EPHA4: variants seen among roughly 807,000 people sequenced by gnomAD.
EPHA4 encodes the protein ephrin type-A receptor 4.
EPHA4 carries 19 observed loss-of-function variants against 108.3 expected under a neutral mutation model. The ratio of observed to expected loss-of-function variants is 0.18; its 90% CI spans 0.12 to 0.26. The LOEUF (loss-of-function observed/expected upper bound fraction) is 0.26. Ranked by LOEUF, EPHA4 falls within the 10% of genes least tolerant of loss-of-function variation. The pLI, the probability that EPHA4 is intolerant of heterozygous loss-of-function variation, is 1.00. For synonymous variants in EPHA4, 449 were observed against 455.5 expected (o/e 0.99, Z 0.18); for missense variants, 917 against 1,254.0 (o/e 0.73, Z 4.06).
At chr2:221,457,285 C>T (rs1690989151) in intron 6 of EPHA4, among the ~76,000 whole-genome samples, 1 of 152,022 alleles carries the variant, frequency 6.6e-6, no homozygotes, top group Non-Finnish European at 1.5e-5. Context: ...GCAAATAGCT[C>T]TCTTCAAAAT....
At chr2:221,516,352 ATTTTTT>A (rs10606305) in intron 3 of EPHA4, among the ~76,000 whole-genome samples, 1 of 123,338 alleles carries the variant, frequency 8.1e-6, no homozygotes, top group East Asian at 2.4e-4. Context: ...AGATTCAATG[ATTTTTT>A]TTTTTTTTTT....
At chr2:221,473,117 G>A (rs1234223019) in intron 5 of EPHA4, among the ~76,000 whole-genome samples, 5 of 152,124 alleles carry the variant, frequency 3.3e-5, no homozygotes, top group East Asian at 1.9e-4. Flanking sequence ...ACCATCTCTC[G>A]TTTTTATCAT....
intron 1 of EPHA4, 23 bp from the exon 2 acceptor site, chr2:221,568,808 A>T: frequency 6.2e-7 from 1 of 1,604,054 alleles, no homozygotes; most frequent in South Asian, 1.1e-5. Context: ...AAAGAAAAAT[A>T]GATGAATTTC....
intron 3 of EPHA4, among the ~76,000 whole-genome samples, chr2:221,517,425 G>C (rs1024897663): frequency 1.3e-5 from 2 of 152,122 alleles, no homozygotes; most frequent in Non-Finnish European, 2.9e-5. Flanking sequence ...AATATGATTT[G>C]ATACAAATTG....
At chr2:221,489,309 C>T (rs1050808778) in intron 4 of EPHA4, among the ~76,000 whole-genome samples, 6 of 152,174 alleles carry the variant, frequency 3.9e-5, no homozygotes, top group East Asian at 1.9e-4. Flanking sequence ...TGTGGATATA[C>T]GGTGTAACGT....
chr2:221,572,103 C>T (rs1574671771), intron 1 of EPHA4, 55 bp downstream of exon 1: 6 of 1,484,264 alleles, frequency 4.0e-6, no homozygotes, highest in Non-Finnish European at 5.6e-6. Context: ...GAGGACCCCT[C>T]ACCCGCGATG....
At chr2:221,438,081 C>T (rs575838753) in intron 11 of EPHA4, among the ~76,000 whole-genome samples, 1 of 152,190 alleles carries the variant, frequency 6.6e-6, no homozygotes, top group South Asian at 2.1e-4. Flanking sequence ...AAACAAAAAC[C>T]CCAGAACAGT....
intron 4 of EPHA4, among the ~76,000 whole-genome samples, chr2:221,484,919 G>A (rs1691936851): frequency 1.3e-5 from 2 of 152,296 alleles, no homozygotes; most frequent in Admixed American, 6.5e-5. Context: ...AAACATGGAG[G>A]TGGCAGTGAG....
Position 221,426,447 on chromosome 2 carries a change from C to T in EPHA4, c.2846+17G>A, listed in dbSNP as rs768239363. On this transcript the variant is annotated intron_variant, in intron 16 of 17. Transcript: ENST00000281821. ...AATCTAGATTTACCCTTTCGTGTTA[C>T]ATCGTTGAGTACTTACTCCTGGTTC... 1 of 1,580,408 alleles carries T rather than the reference C, an allele frequency of 6.3e-7. No individual in the cohort carries two copies. Among genetic ancestry groups the T allele is most frequent in the South Asian group, 1.2e-5 (1 of 85,424 alleles).
intron 4 of EPHA4, among the ~76,000 whole-genome samples, chr2:221,486,623 A>G (rs1691981041): frequency 6.6e-6 from 1 of 151,818 alleles, no homozygotes; most frequent in African/African-American, 2.4e-5. Flanking sequence ...AGTCCCAGCT[A>G]CTTGGGAGGC....
Position 221,536,868 on chromosome 2 carries a change from A to G in EPHA4, c.823+26863T>C, listed in dbSNP as rs1240704165. ...CTGGGCTTTAGTTTCCTCATCTATG[A>G]AAAGAGGATAATGACAGTCACTATT... On this transcript the variant is annotated intron_variant, in intron 3 of 17. Transcript: ENST00000281821. 2.0e-5 allele frequency among the ~76,000 whole-genome samples: 3 copies of G among 152,220 alleles called. No homozygotes were observed. The East Asian group carries it at 5.8e-4, about 29-fold the overall frequency.
At position 221,564,269 on chromosome 2, in the gene EPHA4, C is replaced by T; in HGVS notation, c.285G>A (p.Gln95=). ...RTDWITREGA[Q]RVYIEIKFTL... is the part of the protein sequence containing the mutation. ...TGAATTTAATCTCAATATACACCCT[C>T]TGAGCCCCTTCTCGGGTGATCCAAT... The change falls in exon 3 of 18, where the codon CAG becomes CAA. Residue 95 remains glutamine (Q), a synonymous_variant. Transcript: ENST00000281821. The T allele has an allele frequency of 6.2e-7, 1 of 1,614,198 alleles. No homozygotes were observed. The highest frequency in any genetic ancestry group is 8.5e-7 in the Non-Finnish European group (1 of 1,180,036).
chr2:221,520,506 CCACACA>C lies in EPHA4; in HGVS notation c.824-19340_824-19335del, dbSNP rs61047207. 4.1e-3 allele frequency among the ~76,000 whole-genome samples: 583 copies of C among 142,112 alleles called. 5 individuals are homozygous for C. The highest frequency in any genetic ancestry group is 8.0e-3 in the African/African-American group (305 of 38,334). 93.2% of individuals were successfully genotyped at this position (142,112 alleles called of 152,430 possible). On this transcript the variant is annotated intron_variant, in intron 3 of 17. Transcript: ENST00000281821. ...AGAGTGTAAGACTTATTTCCTCTAACCACACACACACACACACACACACACACACAC... is the reference window on the plus strand; with the variant it reads ...AGAGTGTAAGACTTATTTCCTCTAACCACACACACACACACACACACACAC...
At chr2:221,505,310 C>A (rs897407196) in intron 3 of EPHA4, among the ~76,000 whole-genome samples, 2 of 151,828 alleles carry the variant, frequency 1.3e-5, no homozygotes, top group Admixed American at 6.6e-5. Flanking sequence ...TTTAATTTCA[C>A]CTTTAAAATT....
At chr2:221,569,978 C>T (rs979179784) in intron 1 of EPHA4, among the ~76,000 whole-genome samples, 6 of 151,952 alleles carry the variant, frequency 3.9e-5, no homozygotes, top group Non-Finnish European at 7.4e-5. Context: ...CTGGAGTTCC[C>T]GCCCCCTTCC....
chr2:221,443,586 G>T lies in EPHA4; in HGVS notation c.1795C>A (p.Pro599Thr), dbSNP rs755954200. ...TGGTTGGGATCTTCGTACGTAAAGG[G>T]GTCCACATATGTTCTTACACCTGAG... ...LNQGVRTYVD[P>T]FTYEDPNQAV... The change falls in exon 10 of 18, where the codon CCC (proline) becomes ACC (threonine). Residue 599 changes from proline to threonine, a missense_variant. Pro to Thr is a conservative substitution (Grantham distance 38). Around this residue, in one of 3 missense-constraint regions of EPHA4, gnomAD observed 758 missense variants for 1,076.7 expected, o/e 0.70. Transcript: ENST00000281821. The T allele has an allele frequency of 6.8e-6, 11 of 1,613,618 alleles. No homozygotes were observed. The highest frequency in any genetic ancestry group is 9.3e-6 in the Non-Finnish European group (11 of 1,179,790).
chr2:221,420,204 C>T lies in EPHA4; in HGVS notation c.*1168G>A, dbSNP rs1233754584. 1.3e-5 allele frequency: 2 copies of T among 152,420 alleles called. No individual in the cohort carries two copies. The highest frequency in any genetic ancestry group is 4.8e-5 in the African/African-American group (2 of 41,328). The allele number at this position is 152,420 out of a possible 1,614,324, so 9.4% of individuals were successfully genotyped here. ...CTGCCACACCAATGCAGCAGTGACA[C>T]ACAGGAATGAAATATGGAAATACAT... On this transcript the variant is annotated 3_prime_UTR_variant, in exon 18 of 18. Transcript: ENST00000281821.
intron 4 of EPHA4, among the ~76,000 whole-genome samples, chr2:221,486,501 T>C (rs1691976793): frequency 6.6e-6 from 1 of 151,962 alleles, no homozygotes; most frequent in Non-Finnish European, 1.5e-5. Flanking sequence ...GAGGCCAAAG[T>C]GGATCACCTG....
Position 221,544,179 on chromosome 2 carries a change from G to A in EPHA4, c.823+19552C>T, listed in dbSNP as rs186691987. Among the ~76,000 whole-genome samples, 12 of 152,252 alleles carry A rather than the reference G, an allele frequency of 7.9e-5. No individual in the cohort carries two copies. The East Asian group carries it at 1.9e-3, about 25-fold the overall frequency. On this transcript the variant is annotated intron_variant, in intron 3 of 17. Transcript: ENST00000281821. ...GGTTAAGATTTCAACATATAAATTC[G>A]AAGGGGGCATAAATATTCAGATCAT... is the stretch of plus-strand genomic sequence containing the variant.
Sources: gnomAD v4.1 joint callset for allele counts (sites outside exome capture counted in the v4.1 genomes callset) on GRCh38, gnomAD v4.1.1 for gene constraint, gnomAD v4.1.1 regional missense constraint, MANE v1.5 for transcripts, NCBI Gene and HGNC (gene_info 2026-07-23, HGNC 2026-07-21) for gene names.